ELOVL6: variants seen among roughly 807,000 people sequenced by gnomAD.
ELOVL6 encodes very long chain fatty acid elongase 6.
ELOVL6 carries 8 observed loss-of-function variants against 31.7 expected under a neutral mutation model. That is an observed-to-expected ratio of 0.25 (90% CI 0.15 to 0.45). The LOEUF is 0.45. Among genes scored for constraint, ELOVL6 ranks in the 20% least tolerant of loss-of-function variants. The pLI, the probability that ELOVL6 is intolerant of heterozygous loss-of-function variation, is 1.00. For synonymous variants in ELOVL6, 101 were observed against 117.7 expected (o/e 0.86, Z 0.92); for missense variants, 126 against 326.4 (o/e 0.39, Z 4.73).
At chr4:110,107,043 A>G (rs1756909882) in intron 1 of ELOVL6, among the ~76,000 whole-genome samples, 1 of 152,234 alleles carries the variant, frequency 6.6e-6, no homozygotes, top group Admixed American at 6.5e-5. Context: ...AATAAGTTAC[A>G]AAACATAATA....
intron 1 of ELOVL6, among the ~76,000 whole-genome samples, chr4:110,185,866 G>T (rs1368613208): frequency 3.9e-5 from 6 of 152,144 alleles, no homozygotes; most frequent in Admixed American, 3.9e-4. Context: ...GAAGTCCTGA[G>T]GTCTTGGATA....
chr4:110,180,803 AC>A (rs1181634765), intron 1 of ELOVL6, among the ~76,000 whole-genome samples: 1 of 152,232 alleles, frequency 6.6e-6, no homozygotes, highest in African/African-American at 2.4e-5. Flanking sequence ...AAGGATAGGA[AC>A]AAAAAATAGC....
intron 2 of ELOVL6, among the ~76,000 whole-genome samples, chr4:110,077,731 TGGAC>T (rs1755688677): frequency 6.6e-6 from 1 of 152,160 alleles, no homozygotes; most frequent in South Asian, 2.1e-4. Flanking sequence ...GGAACAAAGC[TGGAC>T]GGACAATGAC....
intron 3 of ELOVL6, among the ~76,000 whole-genome samples, chr4:110,056,913 A>T (rs756531456): frequency 2.0e-5 from 3 of 152,162 alleles, no homozygotes. Context: ...TTAAATTAAG[A>T]CAGGTGATAT....
At chr4:110,152,710 C>T (rs892435242) in intron 1 of ELOVL6, among the ~76,000 whole-genome samples, 1 of 152,158 alleles carries the variant, frequency 6.6e-6, no homozygotes, top group Admixed American at 6.5e-5. Flanking sequence ...TTCACATACA[C>T]AGATCACACG....
chr4:110,059,813 C>T (rs1353170114), intron 2 of ELOVL6, 59 bp from the exon 3 acceptor site: 2 of 1,518,924 alleles, frequency 1.3e-6, no homozygotes, highest in Non-Finnish European at 1.8e-6. Flanking sequence ...CTTCTCACAT[C>T]AACCATACTT....
At chr4:110,156,737 T>C (rs573378590) in intron 1 of ELOVL6, among the ~76,000 whole-genome samples, 1 of 152,298 alleles carries the variant, frequency 6.6e-6, no homozygotes, top group Non-Finnish European at 1.5e-5. Flanking sequence ...TGCTTCTTTT[T>C]CAGGACAGAA....
chr4:110,077,631 G>C (rs1244348022), intron 2 of ELOVL6, among the ~76,000 whole-genome samples: 2 of 152,088 alleles, frequency 1.3e-5, no homozygotes, highest in African/African-American at 4.8e-5. Context: ...AAACCACAAA[G>C]ACGGGGAAAA....
intron 2 of ELOVL6, among the ~76,000 whole-genome samples, chr4:110,083,686 T>C (rs918046869): frequency 1.3e-5 from 2 of 151,502 alleles, no homozygotes; most frequent in South Asian, 2.1e-4. Context: ...ACTACATTAA[T>C]ATAAATGTTA....
chr4:110,063,335 C>A lies in ELOVL6; in HGVS notation c.222-3581G>T, dbSNP rs898087350. ...CGGAGGCCTGCTCCTGGTGTGGCGA[C>A]CCCAAGGAGGGACATCTCCTGCAGT... On this transcript the variant is annotated intron_variant, in intron 2 of 3. Coordinates refer to ENST00000302274, the MANE Select transcript of ELOVL6 (RefSeq NM_024090.3). Among the ~76,000 whole-genome samples, 4 of 152,240 alleles carry A rather than the reference C, an allele frequency of 2.6e-5. 1 individual carries two copies. Among genetic ancestry groups the A allele is most frequent in the Non-Finnish European group, 5.9e-5 (4 of 68,022 alleles).
At chr4:110,071,973 C>A (rs1014885902) in intron 2 of ELOVL6, among the ~76,000 whole-genome samples, 1 of 152,204 alleles carries the variant, frequency 6.6e-6, no homozygotes, top group African/African-American at 2.4e-5. Context: ...CGGAGCCAGC[C>A]TCCTCCTCAC....
intron 2 of ELOVL6, among the ~76,000 whole-genome samples, chr4:110,074,652 T>C (rs1281155385): frequency 1.3e-5 from 2 of 152,186 alleles, no homozygotes; most frequent in African/African-American, 4.8e-5. Flanking sequence ...AGGAAATATA[T>C]ATTATAGTAC....
intron 3 of ELOVL6, among the ~76,000 whole-genome samples, chr4:110,053,548 T>C (rs1447976001): frequency 1.3e-5 from 2 of 152,240 alleles, no homozygotes; most frequent in East Asian, 3.8e-4. Context: ...CTCACACCTG[T>C]CATCCCAGCA....
At chr4:110,143,323 G>A (rs1758017386) in intron 1 of ELOVL6, among the ~76,000 whole-genome samples, 1 of 151,430 alleles carries the variant, frequency 6.6e-6, no homozygotes, top group South Asian at 2.1e-4. Context: ...AAAATCGTTT[G>A]AGATATTAGA....
intron 1 of ELOVL6, among the ~76,000 whole-genome samples, chr4:110,157,581 G>A (rs917597801): frequency 6.6e-6 from 1 of 151,998 alleles, no homozygotes; most frequent in African/African-American, 2.4e-5. Context: ...TGAGGCAGGA[G>A]AATTGCTTGA....
intron 2 of ELOVL6, among the ~76,000 whole-genome samples, chr4:110,096,471 G>C (rs891782351): frequency 2.0e-5 from 3 of 152,180 alleles, no homozygotes; most frequent in Non-Finnish European, 2.9e-5. Flanking sequence ...CAAAGAGAAT[G>C]TTAATGAAGT....
In ELOVL6 at chr4:110,051,748, T is replaced by C; in HGVS notation, c.388A>G (p.Ile130Val). Residue 130 changes from isoleucine to valine, a missense_variant, in exon 4 of 4, where the codon ATT (isoleucine) becomes GTT (valine). Ile to Val is a conservative substitution (Grantham distance 29, BLOSUM62 3). This residue lies in a region of ELOVL6 where 53 missense variants were observed against 193.4 expected (regional missense o/e 0.27). Transcript: ENST00000302274. This position sits in a 1 kb window ranked among gnomAD's most constrained non-coding sequence, Gnocchi z 4.8. Reference protein sequence around the residue: ...KAPELGDTIFIILRKQKLIFL... With the variant: ...KAPELGDTIFVILRKQKLIFL... ...ATCAGCTTCTGCTTCCTCAGAATAA[T>C]GAATATTGTATCTCCTGGAAGACAA... 6.2e-7 allele frequency: 1 copy of C among 1,612,998 alleles called. No homozygotes were observed. The highest frequency in any genetic ancestry group is 8.5e-7 in the Non-Finnish European group (1 of 1,179,634).
intron 2 of ELOVL6, among the ~76,000 whole-genome samples, chr4:110,081,495 G>A (rs896679309): frequency 6.6e-6 from 1 of 152,064 alleles, no homozygotes; most frequent in East Asian, 1.9e-4. Flanking sequence ...AATGGGGAAA[G>A]GATTCCCTAT....
intron 1 of ELOVL6, among the ~76,000 whole-genome samples, chr4:110,181,230 C>T (rs372748153): frequency 1.3e-5 from 2 of 152,030 alleles, no homozygotes; most frequent in African/African-American, 2.4e-5. Context: ...GTGGATTGCT[C>T]GACTCCAGGA....
Sources: allele counts gnomAD v4.1 joint callset (sites outside exome capture counted in the v4.1 genomes callset), GRCh38; gene constraint gnomAD v4.1.1; regional missense constraint gnomAD v4.1.1; non-coding constraint Gnocchi (gnomAD v3.1); transcripts MANE v1.5; gene names NCBI Gene and HGNC (gene_info 2026-07-23, HGNC 2026-07-21).